TRAM2: variants seen among roughly 807,000 people sequenced by gnomAD.
TRAM2 encodes translocating chain-associated membrane protein 2.
TRAM2 carries 12 observed loss-of-function variants against 51.0 expected under a neutral mutation model. That is an observed-to-expected ratio of 0.24 (90% CI 0.15 to 0.38). TRAM2 has a LOEUF of 0.38. Ranked by LOEUF, TRAM2 falls within the 10% of genes least tolerant of loss-of-function variation. TRAM2 has a pLI of 1.00. For synonymous variants in TRAM2, 175 were observed against 179.4 expected, an observed-to-expected ratio of 0.98 and a Z score of 0.20; for missense variants, 361 against 462.0, an observed-to-expected ratio of 0.78 and a Z score of 2.00.
intron 4 of TRAM2, among the ~76,000 whole-genome samples, chr6:52,510,635 T>C (rs1462448028): frequency 2.0e-5 from 3 of 152,230 alleles, no homozygotes; most frequent in African/African-American, 7.2e-5. Context: ...TGAAGATGTC[T>C]GCTCAGCCCA....
chr6:52,574,546 G>A (rs1767732461), intron 1 of TRAM2, among the ~76,000 whole-genome samples: 1 of 152,168 alleles, frequency 6.6e-6, no homozygotes, highest in South Asian at 2.1e-4. Context: ...TGCCCTGTAG[G>A]TCCTGTAGGT....
At chr6:52,543,517 T>C (rs917370926) in intron 1 of TRAM2, among the ~76,000 whole-genome samples, 2 of 152,234 alleles carry the variant, frequency 1.3e-5, no homozygotes, top group African/African-American at 4.8e-5. Context: ...TGCAGTATCA[T>C]TGATACATTA....
At chr6:52,507,443 C>T (rs1047352848) in intron 7 of TRAM2, 110 bp downstream of exon 7, 1 of 1,096,784 alleles carries the variant, frequency 9.1e-7, no homozygotes, top group Non-Finnish European at 1.4e-6. Flanking sequence ...TAGCATAGTG[C>T]TAGGCACACA....
intron 1 of TRAM2, among the ~76,000 whole-genome samples, chr6:52,562,563 A>AT (rs981551195): frequency 2.3e-4 from 35 of 152,216 alleles, no homozygotes; most frequent in African/African-American, 7.9e-4. Context: ...GATGCTGAGA[A>AT]TTTTTTTAAA....
intron 1 of TRAM2, among the ~76,000 whole-genome samples, chr6:52,576,401 G>C (rs1238116918): frequency 5.3e-5 from 8 of 152,246 alleles, no homozygotes; most frequent in Admixed American, 5.2e-4. Context: ...TGGGGCAAGA[G>C]GGGGTTGTGC....
chr6:52,554,979 G>A (rs1767378806), intron 1 of TRAM2, among the ~76,000 whole-genome samples: 1 of 152,084 alleles, frequency 6.6e-6, no homozygotes, highest in Non-Finnish European at 1.5e-5. Flanking sequence ...CTCCCGAAGT[G>A]CTGAGATAAC....
intron 1 of TRAM2, among the ~76,000 whole-genome samples, chr6:52,572,689 T>C (rs141410284): frequency 6.6e-6 from 1 of 152,336 alleles, no homozygotes; most frequent in African/African-American, 2.4e-5. Context: ...TGTTTTATGA[T>C]GCTGCTAACA....
At chr6:52,506,929 G>C (rs1201331883) in intron 7 of TRAM2, among the ~76,000 whole-genome samples, 1 of 152,220 alleles carries the variant, frequency 6.6e-6, no homozygotes, top group African/African-American at 2.4e-5. Flanking sequence ...CTCTGTAAGT[G>C]CCAGCCTAGA....
At chr6:52,539,542 A>AC (rs58074801) in intron 1 of TRAM2, among the ~76,000 whole-genome samples, 19,152 of 149,234 alleles carry the variant, frequency 0.13, 1,316 homozygotes, top group African/African-American at 0.16. Context: ...TTACACAACA[A>AC]AAAAAAAAAA....
intron 1 of TRAM2, among the ~76,000 whole-genome samples, chr6:52,556,998 A>G (rs1255896011): frequency 6.6e-6 from 1 of 150,920 alleles, no homozygotes; most frequent in Non-Finnish European, 1.5e-5. Context: ...GTTCGAGACC[A>G]CCCTGGCCAA....
Position 52,576,778 on chromosome 6 carries a change from T to C in TRAM2, c.120+18A>G. On this transcript the variant is annotated intron_variant, in intron 1 of 10. Transcript: ENST00000182527. ...AGGGGGCACTGTCCCTCCAGCTCCC[T>C]CCTCCCCAGGCTCTCACCTCGAACA... is the stretch of plus-strand genomic sequence containing the variant. 2 of 1,610,934 alleles carry C rather than the reference T, an allele frequency of 1.2e-6. No homozygotes were observed. Among genetic ancestry groups the C allele is most frequent in the Non-Finnish European group, 1.7e-6 (2 of 1,178,462 alleles).
At chr6:52,551,210 C>G (rs1767302533) in intron 1 of TRAM2, among the ~76,000 whole-genome samples, 1 of 152,198 alleles carries the variant, frequency 6.6e-6, no homozygotes, top group Non-Finnish European at 1.5e-5. Flanking sequence ...GTCCTGGCTT[C>G]ATGAACACTC....
chr6:52,536,919 C>A (rs532456935), intron 1 of TRAM2, among the ~76,000 whole-genome samples: 40 of 152,270 alleles, frequency 2.6e-4, no homozygotes, highest in Admixed American at 2.0e-3. Context: ...GAAGGATGCA[C>A]ATGTGAGGGA....
intron 1 of TRAM2, among the ~76,000 whole-genome samples, chr6:52,562,007 T>C (rs150975830): frequency 2.0e-5 from 1 of 49,116 alleles, no homozygotes; most frequent in Non-Finnish European, 4.0e-5. Context: ...ATCATACACT[T>C]TAAAAATCAC....
intron 1 of TRAM2, among the ~76,000 whole-genome samples, chr6:52,551,074 T>C (rs1469405845): frequency 6.6e-6 from 1 of 152,148 alleles, no homozygotes; most frequent in Non-Finnish European, 1.5e-5. Context: ...CAGATCAAGA[T>C]AAACCACTGT....
chr6:52,557,221 C>T (rs551408945), intron 1 of TRAM2, among the ~76,000 whole-genome samples: 3 of 150,346 alleles, frequency 2.0e-5, no homozygotes, highest in Non-Finnish European at 4.5e-5. Context: ...TGGTGAGGAA[C>T]GGATGCACCA....
At chr6:52,515,132 A>C (rs914813771) in intron 4 of TRAM2, among the ~76,000 whole-genome samples, 11 of 152,226 alleles carry the variant, frequency 7.2e-5, no homozygotes, top group African/African-American at 2.7e-4. Context: ...GAAGAGGAAG[A>C]AAGTGAGGGA....
chr6:52,542,261 GGTT>G (rs1401316440), intron 1 of TRAM2, among the ~76,000 whole-genome samples: 17 of 89,592 alleles, frequency 1.9e-4, no homozygotes, highest in African/African-American at 1.3e-3. Context: ...GAGATTTTTG[GGTT>G]TTTTTTTTTT....
intron 3 of TRAM2, 110 bp downstream of exon 3, chr6:52,516,518 G>A (rs887998541): frequency 6.7e-6 from 6 of 901,150 alleles, no homozygotes; most frequent in Admixed American, 3.8e-5. Flanking sequence ...ACCAGTGCAA[G>A]CAAGTTGGAG....
Sources: allele counts gnomAD v4.1 joint callset (sites outside exome capture counted in the v4.1 genomes callset), GRCh38; gene constraint gnomAD v4.1.1; transcripts MANE v1.5; gene names NCBI Gene and HGNC (gene_info 2026-07-23, HGNC 2026-07-21).